QTGAL: variants seen among roughly 807,000 people sequenced by gnomAD.
QTGAL encodes the protein queuosine-tRNA galactosyltransferase.
chr17:83,013,225 T>C, the QTGAL span, among the ~76,000 whole-genome samples: 102,613 of 151,676 alleles, frequency 0.68, 35,266 homozygotes, highest in African/African-American at 0.8. Flanking sequence ...CCCCAGGACC[T>C]GACACACCCC....
the QTGAL span, among the ~76,000 whole-genome samples, chr17:82,970,872 C>T: frequency 5.3e-5 from 8 of 152,294 alleles, no homozygotes; most frequent in East Asian, 1.9e-4. Context: ...TGTCCAAGAC[C>T]GGGCAGCTGC....
the QTGAL span, chr17:82,956,875 G>T: frequency 7.7e-7 from 1 of 1,305,916 alleles, no homozygotes; most frequent in Non-Finnish European, 1.1e-6. This position sits in a 1 kb window ranked among gnomAD's most constrained non-coding sequence, Gnocchi z 5.7. Flanking sequence ...CAGGAGCCAG[G>T]GCTTGGGCAG....
At chr17:83,005,831 C>T in the QTGAL span, 1 of 1,294,498 alleles carries the variant, frequency 7.7e-7, no homozygotes, top group African/African-American at 1.5e-5. The surrounding 1 kb of genome is among the most constrained non-coding windows in gnomAD (Gnocchi z 5.6). Flanking sequence ...CTGCCTCAGC[C>T]TTTCTCAACC....
the QTGAL span, among the ~76,000 whole-genome samples, chr17:82,972,690 A>G: frequency 2.1e-4 from 26 of 126,024 alleles, no homozygotes; most frequent in Non-Finnish European, 3.8e-4. Context: ...TACTGACCAC[A>G]CCACACCACA....
chr17:83,019,836 C>T, the QTGAL span, among the ~76,000 whole-genome samples: 7 of 152,088 alleles, frequency 4.6e-5, no homozygotes, highest in Admixed American at 2.6e-4. Context: ...CAGGTTCAAG[C>T]GATTCTCCTG....
chr17:82,995,324 C>T, the QTGAL span, among the ~76,000 whole-genome samples: 7 of 151,936 alleles, frequency 4.6e-5, no homozygotes, highest in African/African-American at 1.7e-4. Flanking sequence ...ACCTGATAAA[C>T]AAACTCAGCA....
chr17:83,032,443 G>A, the QTGAL span, among the ~76,000 whole-genome samples: 4 of 116,076 alleles, frequency 3.4e-5, no homozygotes, highest in South Asian at 2.8e-4. Flanking sequence ...GACCGAACTC[G>A]GGAGCTGAAC....
chr17:82,986,439 G>A, the QTGAL span, among the ~76,000 whole-genome samples: 1 of 152,230 alleles, frequency 6.6e-6, no homozygotes, highest in Non-Finnish European at 1.5e-5. Context: ...TTAAAAGCAG[G>A]AAAACAAATT....
At chr17:83,050,854 G>A in the QTGAL span, among the ~76,000 whole-genome samples, 1 of 151,866 alleles carries the variant, frequency 6.6e-6, no homozygotes, top group Non-Finnish European at 1.5e-5. Context: ...GGTGTGCACG[G>A]CAGGTGCACG....
the QTGAL span, chr17:82,960,949 C>A: frequency 1.4e-6 from 2 of 1,432,616 alleles, no homozygotes; most frequent in South Asian, 1.4e-5. Flanking sequence ...CAAGGCAGAG[C>A]CTGACCACAG....
chr17:83,014,766 G>A, the QTGAL span, among the ~76,000 whole-genome samples: 1 of 152,212 alleles, frequency 6.6e-6, no homozygotes, highest in African/African-American at 2.4e-5. Flanking sequence ...CTACAAATAA[G>A]TAAGAAAACG....
At chr17:82,957,221 T>C in the QTGAL span, 2 of 1,614,054 alleles carry the variant, frequency 1.2e-6, no homozygotes, top group African/African-American at 2.7e-5. Flanking sequence ...CCTGATCTTG[T>C]TCTCGTCCAC....
the QTGAL span, among the ~76,000 whole-genome samples, chr17:82,989,420 G>T: frequency 5.3e-5 from 8 of 151,476 alleles, no homozygotes; most frequent in Non-Finnish European, 1.2e-4. Flanking sequence ...GGGTTGATGG[G>T]TGCAGCAAAC....
chr17:83,025,637 G>A, the QTGAL span, among the ~76,000 whole-genome samples: 1 of 130,808 alleles, frequency 7.6e-6, no homozygotes, highest in African/African-American at 3.0e-5. Flanking sequence ...GTCCACACAC[G>A]GACACCGCGG....
the QTGAL span, among the ~76,000 whole-genome samples, chr17:83,008,103 T>TCTCAAGAGGAGGAGGAGGCGCAGGGAAG: frequency 6.6e-6 from 1 of 152,210 alleles, no homozygotes; most frequent in Non-Finnish European, 1.5e-5. Context: ...AGAGGTGCGC[T>TCTCAAGAGGAGGAGGAGGCGCAGGGAAG]ATGCGCTTAA....
the QTGAL span, among the ~76,000 whole-genome samples, chr17:82,988,286 G>A: frequency 1.3e-5 from 2 of 152,114 alleles, no homozygotes; most frequent in Non-Finnish European, 2.9e-5. Flanking sequence ...AATGGTGCAG[G>A]GAAAACTGGC....
chr17:82,966,117 C>T, the QTGAL span, among the ~76,000 whole-genome samples: 1 of 148,744 alleles, frequency 6.7e-6, no homozygotes, highest in Admixed American at 6.7e-5. Context: ...GTTTGTCACT[C>T]TGTTGCTCAG....
At chr17:83,012,713 G>A in the QTGAL span, among the ~76,000 whole-genome samples, 1 of 152,082 alleles carries the variant, frequency 6.6e-6, no homozygotes, top group African/African-American at 2.4e-5. Flanking sequence ...AGGCCCTCCT[G>A]GAAACCCCAG....
chr17:83,013,758 G>A, the QTGAL span, among the ~76,000 whole-genome samples: 7 of 152,160 alleles, frequency 4.6e-5, no homozygotes, highest in Admixed American at 1.3e-4. Flanking sequence ...CTGCCCGGGG[G>A]ACGGACACTG....
Sources: allele counts gnomAD v4.1 joint callset (sites outside exome capture counted in the v4.1 genomes callset), GRCh38; gene constraint gnomAD v4.1.1; non-coding constraint Gnocchi (gnomAD v3.1); transcripts MANE v1.5; gene names NCBI Gene and HGNC (gene_info 2026-07-23, HGNC 2026-07-21).